The following FRAS1 variants were observed in gnomAD, a reference collection of about 807,000 sequenced individuals.
FRAS1 encodes the protein Fraser extracellular matrix complex subunit 1, also known as extracellular matrix organizing protein FRAS1.
FRAS1 carries 290 observed loss-of-function variants against 435.2 expected under a neutral mutation model. That is an observed-to-expected ratio of 0.67 (90% CI 0.61 to 0.73). The LOEUF (loss-of-function observed/expected upper bound fraction) is 0.73, where lower values mean the gene tolerates loss of function less well. Ranked by LOEUF, FRAS1 falls within the 30% of genes least tolerant of loss-of-function variation. The probability of loss-of-function intolerance (pLI) is 0.00; values close to 1 mark genes in which losing one functional copy is unlikely to be tolerated. For synonymous variants in FRAS1, 1,800 were observed against 1,851.0 expected, an observed-to-expected ratio of 0.97 and a Z score of 0.71; for missense variants, 4,860 against 5,001.5, an observed-to-expected ratio of 0.97 and a Z score of 0.85.
At chr4:78,146,039 C>G in intron 2 of FRAS1, among the ~76,000 whole-genome samples, 1 of 152,256 alleles carries the variant, frequency 6.6e-6, no homozygotes, top group East Asian at 1.9e-4. Context: ...TTATAAATTA[C>G]CCAGTCTCAG....
intron 20 of FRAS1, among the ~76,000 whole-genome samples, chr4:78,362,342 T>C (rs1027894024): frequency 6.6e-6 from 1 of 152,204 alleles, no homozygotes; most frequent in Non-Finnish European, 1.5e-5. Context: ...AGGAGCCCTG[T>C]TGATGCAGGA....
rs532053138 is a variant in FRAS1, at chr4:78,372,600, A to C, written c.2870-118A>C. ...CCTCATTTGAGCCTACTTATCTGAC[A>C]TCTCTTACGTTGTCCTTATTTTACT... On this transcript the variant is annotated intron_variant, in intron 23 of 73. Coordinates refer to ENST00000512123, the MANE Select transcript of FRAS1 (RefSeq NM_025074.7). The C allele has an allele frequency of 3.5e-5, 42 of 1,208,522 alleles. No homozygotes were observed. The African/African-American group carries it at 6.1e-4, about 17-fold the overall frequency. 74.9% of individuals were successfully genotyped at this position (1,208,522 alleles called of 1,614,324 possible). A position where few individuals can be genotyped will look rare whatever the true frequency, so the allele number is the denominator to read the frequency against.
chr4:78,384,968 T>G (rs1425522855), intron 28 of FRAS1, among the ~76,000 whole-genome samples: 1 of 151,718 alleles, frequency 6.6e-6, no homozygotes. Flanking sequence ...TTGTTTTATC[T>G]CTCTCTAGTA....
intron 30 of FRAS1, among the ~76,000 whole-genome samples, chr4:78,404,052 C>T (rs1451716295): frequency 1.3e-5 from 2 of 152,012 alleles, no homozygotes; most frequent in Non-Finnish European, 2.9e-5. Context: ...TCTGTAGCTA[C>T]TTACTTAGAT....
intron 20 of FRAS1, among the ~76,000 whole-genome samples, chr4:78,343,537 A>G (rs1199951496): frequency 6.6e-6 from 1 of 151,584 alleles, no homozygotes; most frequent in Non-Finnish European, 1.5e-5. Context: ...TTGCCTGCTG[A>G]AGAGCATTGC....
intron 2 of FRAS1, among the ~76,000 whole-genome samples, chr4:78,183,130 T>C (rs890787940): frequency 1.3e-5 from 2 of 152,040 alleles, no homozygotes; most frequent in Non-Finnish European, 2.9e-5. Flanking sequence ...AGAGTTGTAG[T>C]GGGTCAAGCC....
intron 14 of FRAS1, among the ~76,000 whole-genome samples, chr4:78,300,747 C>T (rs531692536): frequency 6.6e-6 from 1 of 152,134 alleles, no homozygotes; most frequent in African/African-American, 2.4e-5. Flanking sequence ...CTGCCTATGG[C>T]TGCAGCCATG....
At chr4:78,160,770 A>G (rs970195599) in intron 2 of FRAS1, among the ~76,000 whole-genome samples, 1 of 152,186 alleles carries the variant, frequency 6.6e-6, no homozygotes, top group Non-Finnish European at 1.5e-5. Context: ...ATAAAGCCTC[A>G]TTTTTGAGAT....
intron 2 of FRAS1, among the ~76,000 whole-genome samples, chr4:78,195,640 G>A (rs923236585): frequency 6.6e-6 from 1 of 152,150 alleles, no homozygotes; most frequent in Non-Finnish European, 1.5e-5. Flanking sequence ...ATTAGGGTGG[G>A]AGTGACCCGA....
chr4:78,469,665 C>G (rs976962483), intron 50 of FRAS1, among the ~76,000 whole-genome samples: 2 of 151,536 alleles, frequency 1.3e-5, no homozygotes, highest in African/African-American at 4.9e-5. Context: ...CAGTATCGAA[C>G]TCAACTAAAG....
chr4:78,526,623 A>G lies in FRAS1; in HGVS notation c.10891A>G (p.Lys3631Glu). The change falls in exon 70 of 74, where the codon AAG becomes GAG. Residue 3631 changes from lysine to glutamate, a missense_variant. Lys to Glu is a moderately conservative substitution (Grantham distance 56). Transcript: ENST00000512123. ...PTQPWVDPGE[K>E]PLACTAHAPE... The stretch of plus-strand genomic sequence containing the variant: ...ACAGCCATGGGTTGACCCAGGAGAG[A>G]AGCCTTTGGCCTGCACTGCACATGC... 1.3e-6 allele frequency: 2 copies of G among 1,595,782 alleles called. No individual in the cohort carries two copies. Among genetic ancestry groups the G allele is most frequent in the Non-Finnish European group, 1.7e-6 (2 of 1,171,870 alleles).
chr4:78,230,316 C>G (rs1020640385), intron 2 of FRAS1, among the ~76,000 whole-genome samples: 1 of 152,214 alleles, frequency 6.6e-6, no homozygotes, highest in Non-Finnish European at 1.5e-5. Context: ...TTTAATTAAC[C>G]TGTATTTGCT....
chr4:78,194,153 A>T (rs1722688390), intron 2 of FRAS1, among the ~76,000 whole-genome samples: 1 of 152,196 alleles, frequency 6.6e-6, no homozygotes, highest in Non-Finnish European at 1.5e-5. Flanking sequence ...TGTTAGTCTG[A>T]TGGGCTTCCC....
At chr4:78,528,058 T>G (rs1721599287) in intron 70 of FRAS1, among the ~76,000 whole-genome samples, 1 of 152,002 alleles carries the variant, frequency 6.6e-6, no homozygotes, top group Non-Finnish European at 1.5e-5. Context: ...AGGATAAGGA[T>G]GACAAAGTGG....
At chr4:78,381,563 T>C (rs1026981309) in intron 27 of FRAS1, among the ~76,000 whole-genome samples, 1 of 152,244 alleles carries the variant, frequency 6.6e-6, no homozygotes, top group Non-Finnish European at 1.5e-5. Flanking sequence ...GTGCTGCAAT[T>C]ACATGTGTGA....
chr4:78,530,275 G>A (rs1390747), intron 70 of FRAS1, among the ~76,000 whole-genome samples: 57,411 of 151,904 alleles, frequency 0.38, 11,122 homozygotes, highest in South Asian at 0.54. Context: ...CACCAACACT[G>A]TCCTCAGGCC....
At chr4:78,454,905 G>T (rs1270651296) in intron 47 of FRAS1, among the ~76,000 whole-genome samples, 2 of 152,218 alleles carry the variant, frequency 1.3e-5, no homozygotes, top group African/African-American at 2.4e-5. Context: ...AGGCCAGTAG[G>T]TGATCATGCT....
chr4:78,483,656 T>C lies in FRAS1; in HGVS notation c.8752+1121T>C, dbSNP rs964289933. Among the ~76,000 whole-genome samples, 7 of 151,662 alleles carry C rather than the reference T, an allele frequency of 4.6e-5. No individual in the cohort carries two copies. The East Asian group carries it at 1.4e-3, about 29-fold the overall frequency. On this transcript the variant is annotated intron_variant, in intron 58 of 73. Coordinates refer to ENST00000512123, the MANE Select transcript of FRAS1 (RefSeq NM_025074.7). ...TTCAAATGGCAAAAAGCGTATACTA[T>C]GAAAATTAAATCTTCTTTCTACCCC...
chr4:78,437,646 G>C (rs1435149609), intron 38 of FRAS1, among the ~76,000 whole-genome samples: 1 of 152,134 alleles, frequency 6.6e-6, no homozygotes, highest in Non-Finnish European at 1.5e-5. Context: ...TCCTGATCCT[G>C]TACCTCAACT....
Sources: gnomAD v4.1 joint callset for allele counts (sites outside exome capture counted in the v4.1 genomes callset) on GRCh38, gnomAD v4.1.1 for gene constraint, MANE v1.5 for transcripts, NCBI Gene and HGNC (gene_info 2026-07-23, HGNC 2026-07-21) for gene names.